The following ARID1A variants were observed in gnomAD, a reference collection of about 807,000 sequenced individuals.
ARID1A encodes the protein AT-rich interaction domain 1A.
In ARID1A, 20 loss-of-function variants were observed where a neutral mutation model predicts 212.6. The ratio of observed to expected loss-of-function variants is 0.09; its 90% CI spans 0.07 to 0.14. ARID1A has a LOEUF of 0.14. Ranked by LOEUF, ARID1A falls within the 10% of genes least tolerant of loss-of-function variation. ARID1A has a pLI of 1.00. For synonymous variants in ARID1A, 1,376 were observed against 1,222.1 expected (o/e 1.13, Z -2.63); for missense variants, 2,587 against 3,059.0 (o/e 0.85, Z 3.64).
rs1036374197 is a variant in ARID1A at position 26,780,988 on chromosome 1, C to G, written c.*232C>G. On this transcript the variant is annotated 3_prime_UTR_variant, in exon 20 of 20. Coordinates refer to ENST00000324856, the MANE Select transcript of ARID1A (RefSeq NM_006015.6). This position sits in a 1 kb window ranked among gnomAD's most constrained non-coding sequence, Gnocchi z 7.2. ...GTCCTCACCTTACTCCCCTCAGGAC[C>G]CTACCCCACCCTCTTTGAAAAGACA... The G allele has an allele frequency of 1.8e-5, 8 of 453,270 alleles. No homozygotes were observed. The highest frequency in any genetic ancestry group is 3.0e-5 in the Non-Finnish European group (8 of 263,760). The allele number at this position is 453,270 out of a possible 1,614,324, so 28.1% of individuals were successfully genotyped here. A position where few individuals can be genotyped will look rare whatever the true frequency, so the allele number is the denominator to read the frequency against.
chr1:26,718,062 C>A (rs537543276), intron 1 of ARID1A, among the ~76,000 whole-genome samples: 2 of 152,274 alleles, frequency 1.3e-5, no homozygotes, highest in South Asian at 2.1e-4. Context: ...GCAACCTCCG[C>A]TTCCCAGGTT....
intron 4 of ARID1A, among the ~76,000 whole-genome samples, chr1:26,751,105 A>G (rs2080880727): frequency 6.6e-6 from 1 of 151,794 alleles, no homozygotes; most frequent in Non-Finnish European, 1.5e-5. Flanking sequence ...AAATACAAAA[A>G]TTAGCCGGGC....
chr1:26,713,725 T>C (rs1286279867), intron 1 of ARID1A, among the ~76,000 whole-genome samples: 1 of 152,240 alleles, frequency 6.6e-6, no homozygotes, highest in Non-Finnish European at 1.5e-5. Context: ...TGTCTATGTC[T>C]GATTAACAAG....
chr1:26,747,061 C>G lies in ARID1A; in HGVS notation c.1921-13795C>G, dbSNP rs569967684. 8.2e-4 allele frequency among the ~76,000 whole-genome samples: 124 copies of G among 151,774 alleles called. 1 individual carries two copies. The Middle Eastern group carries it at 0.01, about 12-fold the overall frequency. On this transcript the variant is annotated intron_variant, in intron 4 of 19. Transcript: ENST00000324856. ...GTGTCAAAAAAACAAAACAAACAAA[C>G]AAAAAAAACAACACCATACCTGATA...
At chr1:26,770,205 T>A (rs2081071778) in intron 11 of ARID1A, 1 of 152,072 alleles carries the variant, frequency 6.6e-6, no homozygotes, top group Non-Finnish European at 1.5e-5. Flanking sequence ...AGAGTGAGAC[T>A]CTGTCTCTAA....
intron 11 of ARID1A, among the ~76,000 whole-genome samples, chr1:26,768,372 C>A (rs2081056765): frequency 6.6e-6 from 1 of 152,154 alleles, no homozygotes; most frequent in African/African-American, 2.4e-5. Context: ...CATATATGAC[C>A]TTAAGGTGTG....
At chr1:26,731,050 T>C in intron 2 of ARID1A, 102 bp from the exon 3 acceptor site, 1 of 1,290,278 alleles carries the variant, frequency 7.8e-7, no homozygotes, top group African/African-American at 1.5e-5. Flanking sequence ...CCTTGCATGC[T>C]TGCTTTCTAT....
chr1:26,755,836 C>T (rs1399996152), intron 4 of ARID1A, among the ~76,000 whole-genome samples: 7 of 151,798 alleles, frequency 4.6e-5, no homozygotes, highest in African/African-American at 7.2e-5. Context: ...CTCCGCCTCC[C>T]GGGTTCACGC....
intron 12 of ARID1A, chr1:26,772,098 C>T: frequency 5.0e-6 from 1 of 198,094 alleles, no homozygotes; most frequent in Non-Finnish European, 1.0e-5. Flanking sequence ...TCCTAAAATG[C>T]ATCCCAGATT....
In ARID1A at chr1:26,697,188, C is replaced by G. The variant is rs771542513; in HGVS notation, c.785C>G (p.Ser262Trp). 1 of 1,426,628 alleles carries G rather than the reference C, an allele frequency of 7.0e-7. No homozygotes were observed. The highest frequency in any genetic ancestry group is 3.0e-5 in the East Asian group (1 of 33,704). The allele number at this position is 1,426,628 out of a possible 1,614,324, so 88.4% of individuals were successfully genotyped here. The change falls in exon 1 of 20, where the codon TCG becomes TGG. Residue 262 changes from serine (S) to tryptophan (W), a missense_variant. Physicochemically the swap from Ser to Trp is radical, Grantham distance 177. This residue lies in a region of ARID1A where 735 missense variants were observed against 590.6 expected (regional missense o/e 1.24). Transcript: ENST00000324856. The part of the protein sequence containing the change: ...PPSSSASASS[S>W]SSSFAQQRFG... ...TCCTCCAGCGCCTCCGCCTCCTCGT[C>G]GTCTTCGTCCTTCGCTCAGCAGCGC... is the stretch of plus-strand genomic sequence containing the variant.
chr1:26,732,927 A>C (rs1404993818), intron 4 of ARID1A, 135 bp downstream of exon 4: 4 of 734,468 alleles, frequency 5.4e-6, no homozygotes, highest in South Asian at 3.5e-5. Flanking sequence ...AGGAACTTAA[A>C]GGCTGACTTG....
intron 4 of ARID1A, among the ~76,000 whole-genome samples, chr1:26,758,264 G>A (rs2080959582): frequency 6.6e-6 from 1 of 152,142 alleles, no homozygotes; most frequent in African/African-American, 2.4e-5. Context: ...TCAGAGGCTA[G>A]ATGTCCATGG....
chr1:26,751,812 G>A (rs530560382), intron 4 of ARID1A, among the ~76,000 whole-genome samples: 2 of 152,174 alleles, frequency 1.3e-5, no homozygotes, highest in Admixed American at 1.3e-4. Flanking sequence ...TCTTGGAGAC[G>A]GGCCCCTGAA....
Position 26,773,792 on chromosome 1 carries a change from C to T in ARID1A, c.4005-10C>T, listed in dbSNP as rs530669257. ...CCCACCCTAATCCTGTGTTTCTTTG[C>T]CTCCTATAGACATGATTCCTATGGC... is the stretch of plus-strand genomic sequence containing the variant. On this transcript the variant is annotated splice_polypyrimidine_tract_variant and intron_variant, in intron 16 of 19. Coordinates refer to ENST00000324856, the MANE Select transcript of ARID1A (RefSeq NM_006015.6). 1.2e-6 allele frequency: 2 copies of T among 1,614,182 alleles called. No homozygotes were observed. Among genetic ancestry groups the T allele is most frequent in the South Asian group, 1.1e-5 (1 of 91,080 alleles).
In ARID1A at chr1:26,697,553, G is replaced by T; in HGVS notation, c.1137+13G>T. 1 of 1,339,312 alleles carries T rather than the reference G, an allele frequency of 7.5e-7. No homozygotes were observed. Among genetic ancestry groups the T allele is most frequent in the South Asian group, 2.0e-5 (1 of 51,076 alleles). 83.0% of individuals were successfully genotyped at this position (1,339,312 alleles called of 1,614,324 possible). ...CCGGACCCCTCAGGTACACAGCTGA[G>T]TGGGGAGGGGGCTGGGGCGAGCGTG... On this transcript the variant is annotated intron_variant, in intron 1 of 19. Coordinates refer to ENST00000324856, the MANE Select transcript of ARID1A (RefSeq NM_006015.6).
In ARID1A at chr1:26,696,413, C is replaced by G; in HGVS notation, c.10C>G (p.Gln4Glu). The part of the protein sequence containing the change: MAA[Q>E]VAPAAASSLG... ...CGAGACAGCGGGGATCATGGCCGCG[C>G]AGGTCGCCCCCGCCGCCGCCAGCAG... The change falls in exon 1 of 20, where the codon CAG (glutamine) becomes GAG (glutamate). Residue 4 changes from glutamine to glutamate, a missense_variant. Around this residue, in one of 11 missense-constraint regions of ARID1A, gnomAD observed 735 missense variants for 590.6 expected, o/e 1.24. Transcript: ENST00000324856. 2.3e-6 allele frequency: 3 copies of G among 1,283,090 alleles called. No homozygotes were observed. The highest frequency in any genetic ancestry group is 2.9e-6 in the Non-Finnish European group (3 of 1,017,144). 79.5% of individuals were successfully genotyped at this position (1,283,090 alleles called of 1,614,324 possible). A position where few individuals can be genotyped will look rare whatever the true frequency, so the allele number is the denominator to read the frequency against.
At chr1:26,775,305 G>T (rs1327205026) in intron 18 of ARID1A, 85 bp downstream of exon 18, 4 of 1,491,176 alleles carry the variant, frequency 2.7e-6, no homozygotes, top group Non-Finnish European at 3.6e-6. Context: ...TTCTGGATGA[G>T]GTTGAATCTG....
chr1:26,708,578 C>A (rs913790376), intron 1 of ARID1A, among the ~76,000 whole-genome samples: 5 of 151,818 alleles, frequency 3.3e-5, no homozygotes, highest in African/African-American at 1.2e-4. Flanking sequence ...GCCACCGCAC[C>A]CAGCCAGAGT....
rs2124098147 is a variant in ARID1A at position 26,771,284 on chromosome 1, G to A, written c.3364G>A (p.Asp1122Asn). Residue 1122 changes from aspartate (D) to asparagine (N), a missense_variant, in exon 12 of 20, where the codon GAT becomes AAT. Around this residue, in one of 11 missense-constraint regions of ARID1A, gnomAD observed 890 missense variants for 1,098.2 expected, o/e 0.81. Coordinates refer to ENST00000324856, the MANE Select transcript of ARID1A (RefSeq NM_006015.6). This position sits in a 1 kb window ranked among gnomAD's most constrained non-coding sequence, Gnocchi z 5.4. Reference protein sequence around the residue: ...DPPPDIFAAADSKKSQPKIQP... With the variant: ...DPPPDIFAAANSKKSQPKIQP... ...TCCCCCAGACATCTTTGCAGCTGCTGATTCCAAGAAGTCCCAGCCCAAGAT... is the reference window on the plus strand; with the variant it reads ...TCCCCCAGACATCTTTGCAGCTGCTAATTCCAAGAAGTCCCAGCCCAAGAT... 6.2e-7 allele frequency: 1 copy of A among 1,614,196 alleles called. No homozygotes were observed. Among genetic ancestry groups the A allele is most frequent in the Non-Finnish European group, 8.5e-7 (1 of 1,180,034 alleles).
Sources: gnomAD v4.1 joint callset for allele counts (sites outside exome capture counted in the v4.1 genomes callset) on GRCh38, gnomAD v4.1.1 for gene constraint, gnomAD v4.1.1 regional missense constraint, Gnocchi (gnomAD v3.1) non-coding constraint, MANE v1.5 for transcripts, NCBI Gene and HGNC (gene_info 2026-07-23, HGNC 2026-07-21) for gene names.